Variants in COL4A1 observed in about 807,000 individuals in gnomAD.
COL4A1 encodes the protein collagen type IV alpha 1 chain, also known as collagen alpha-1(IV) chain.
Under a neutral mutation model 216.6 loss-of-function variants are expected in COL4A1, and 40 were observed. The ratio of observed to expected loss-of-function variants is 0.18; its 90% CI spans 0.14 to 0.24. COL4A1 has a LOEUF of 0.24. Ranked by LOEUF, COL4A1 falls within the 10% of genes least tolerant of loss-of-function variation. COL4A1 has a pLI of 1.00. For synonymous variants in COL4A1, 839 were observed against 810.7 expected (o/e 1.03, Z -0.59); for missense variants, 1,628 against 2,196.8 (o/e 0.74, Z 5.18).
chr13:110,273,196 C>T (rs1184474769), intron 1 of COL4A1, among the ~76,000 whole-genome samples: 2 of 152,336 alleles, frequency 1.3e-5, no homozygotes, highest in African/African-American at 4.8e-5. Flanking sequence ...CAGCAATGTC[C>T]ATTTAACCCT....
At chr13:110,294,269 T>C (rs1037393220) in intron 1 of COL4A1, among the ~76,000 whole-genome samples, 4 of 152,322 alleles carry the variant, frequency 2.6e-5, no homozygotes, top group Admixed American at 1.3e-4. Flanking sequence ...TCCAGCCCCT[T>C]CACACAGGGT....
chr13:110,162,282 C>A lies in COL4A1; in HGVS notation c.4410G>T (p.Gly1470=), dbSNP rs747551299. ...CPSGTKILYH[G]YSLLYVQGNE... Reference sequence around the variant, plus strand: ...TGCCTTGCACGTAGAGCAAAGAGTACCCGTGGTAAAGAATTTTGGTCCCAG... The same window carrying A: ...TGCCTTGCACGTAGAGCAAAGAGTAACCGTGGTAAAGAATTTTGGTCCCAG... The change falls in exon 48 of 52, where the codon GGG becomes GGT. Residue 1470 remains glycine, a synonymous_variant. Coordinates refer to ENST00000375820, the MANE Select transcript of COL4A1 (RefSeq NM_001845.6). 1 of 1,614,188 alleles carries A rather than the reference C, an allele frequency of 6.2e-7. No individual in the cohort carries two copies. Among genetic ancestry groups the A allele is most frequent in the African/African-American group, 1.3e-5 (1 of 75,052 alleles).
In COL4A1 at chr13:110,172,879, T is replaced by C. The variant is rs1267049320; in HGVS notation, c.3506-109A>G. On this transcript the variant is annotated intron_variant, in intron 40 of 51. Coordinates refer to ENST00000375820, the MANE Select transcript of COL4A1 (RefSeq NM_001845.6). Reference sequence around the variant, plus strand: ...CAATAATACTACGTATATTGTGGAGTACATAGATATTAGTTAATTGCACCC... The same window carrying C: ...CAATAATACTACGTATATTGTGGAGCACATAGATATTAGTTAATTGCACCC... 4 of 879,530 alleles carry C rather than the reference T, an allele frequency of 4.5e-6. No homozygotes were observed. In the Admixed American group the frequency reaches 5.3e-5, roughly 12 times the overall value. 54.5% of individuals were successfully genotyped at this position (879,530 alleles called of 1,614,324 possible). A position where few individuals can be genotyped will look rare whatever the true frequency, so the allele number is the denominator to read the frequency against.
Position 110,199,050 on chromosome 13 carries a change from T to C in COL4A1, c.1121-419A>G, listed in dbSNP as rs1358141702. 2.0e-5 allele frequency among the ~76,000 whole-genome samples: 3 copies of C among 151,974 alleles called. No homozygotes were observed. In the South Asian group the frequency reaches 6.2e-4, roughly 32 times the overall value. On this transcript the variant is annotated intron_variant, in intron 20 of 51. Transcript: ENST00000375820. ...GCAATCTAGAAGAAAGAGCAGAAAA[T>C]CACAACTAAGGACACACAAGATGGT...
intron 1 of COL4A1, among the ~76,000 whole-genome samples, chr13:110,246,158 A>C (rs1340984506): frequency 1.3e-5 from 2 of 150,960 alleles, no homozygotes; most frequent in African/African-American, 2.5e-5. Context: ...AAAAAAAAAC[A>C]AAAAAGCTAG....
chr13:110,172,664 G>T, intron 41 of COL4A1, 56 bp downstream of exon 41: 2 of 1,532,216 alleles, frequency 1.3e-6, no homozygotes, highest in Non-Finnish European at 1.8e-6. Context: ...CCCTTGTTCT[G>T]CTAATCAGGC....
At chr13:110,174,554 A>T in intron 38 of COL4A1, 28 bp from the exon 39 acceptor site, 1 of 1,614,124 alleles carries the variant, frequency 6.2e-7, no homozygotes, top group Non-Finnish European at 8.5e-7. Flanking sequence ...ACACCAGAAC[A>T]TCCATAAGTT....
At chr13:110,228,369 G>A (rs960599629) in intron 2 of COL4A1, among the ~76,000 whole-genome samples, 2 of 152,108 alleles carry the variant, frequency 1.3e-5, no homozygotes, top group African/African-American at 4.8e-5. Flanking sequence ...AGTAGCTTCC[G>A]TGCAAGGCAA....
chr13:110,291,806 T>A (rs1013886435), intron 1 of COL4A1, among the ~76,000 whole-genome samples: 1 of 152,218 alleles, frequency 6.6e-6, no homozygotes, highest in African/African-American at 2.4e-5. Context: ...CATCTGCAGA[T>A]GAACCAATCT....
At chr13:110,165,559 T>C (rs1281920015) in intron 45 of COL4A1, among the ~76,000 whole-genome samples, 1 of 148,222 alleles carries the variant, frequency 6.7e-6, no homozygotes, top group Non-Finnish European at 1.5e-5. Flanking sequence ...CCCTTCCACA[T>C]ACCCTCCCTC....
chr13:110,298,144 T>A (rs969056856), intron 1 of COL4A1, among the ~76,000 whole-genome samples: 6 of 152,182 alleles, frequency 3.9e-5, no homozygotes, highest in South Asian at 2.1e-4. Context: ...TAGAATTTTT[T>A]AAAAAAAGTT....
intron 2 of COL4A1, among the ~76,000 whole-genome samples, chr13:110,237,829 G>A (rs1222927927): frequency 1.3e-5 from 2 of 152,162 alleles, no homozygotes; most frequent in East Asian, 1.9e-4. Context: ...ATATCTAGGC[G>A]CTAAATGGCT....
chr13:110,208,729 G>A (rs1362463919), intron 12 of COL4A1, 120 bp downstream of exon 12: 1 of 952,746 alleles, frequency 1.0e-6, no homozygotes, highest in Non-Finnish European at 1.7e-6. Flanking sequence ...CCAAATGCAA[G>A]AACATGCAGA....
At chr13:110,219,465 C>T (rs116267602) in intron 2 of COL4A1, among the ~76,000 whole-genome samples, 30 of 152,026 alleles carry the variant, frequency 2.0e-4, no homozygotes, top group Middle Eastern at 3.4e-3. Context: ...TCTGTATCTT[C>T]TTCCCGAAAT....
intron 49 of COL4A1, among the ~76,000 whole-genome samples, chr13:110,158,491 G>A (rs1876899895): frequency 6.6e-6 from 1 of 152,206 alleles, no homozygotes; most frequent in Admixed American, 6.5e-5. Context: ...AGCTCCAGGG[G>A]TGACTCCAAG....
chr13:110,294,836 T>C (rs1233774719), intron 1 of COL4A1, among the ~76,000 whole-genome samples: 1 of 152,218 alleles, frequency 6.6e-6, no homozygotes, highest in Non-Finnish European at 1.5e-5. Flanking sequence ...GCAATTCTTT[T>C]CTGTTTGTCT....
At position 110,187,141 on chromosome 13, in the gene COL4A1, C is replaced by A. The variant is rs370332353; in HGVS notation, c.1725G>T (p.Ser575=). The A allele has an allele frequency of 7.4e-6, 12 of 1,613,830 alleles. No homozygotes were observed. In the Admixed American group the frequency reaches 2.0e-4, roughly 27 times the overall value. The part of the protein sequence containing the change: ...GHPGLPGPKG[S]PGSVGLKGER... ...CAAAGTCTGGAGATAAACATACCGGCGAGCCCTTGGGGCCAGGAAGACCCG... is the reference window on the plus strand; with the variant it reads ...CAAAGTCTGGAGATAAACATACCGGAGAGCCCTTGGGGCCAGGAAGACCCG... Residue 575 remains serine, a synonymous_variant, in exon 25 of 52, where the codon TCG becomes TCT. Coordinates refer to ENST00000375820, the MANE Select transcript of COL4A1 (RefSeq NM_001845.6).
At chr13:110,286,895 T>G (rs1008927669) in intron 1 of COL4A1, among the ~76,000 whole-genome samples, 1 of 152,222 alleles carries the variant, frequency 6.6e-6, no homozygotes, top group Non-Finnish European at 1.5e-5. Flanking sequence ...TAAACAGAAT[T>G]CGTTTCTGGG....
chr13:110,185,253 C>T (rs1878348437), intron 26 of COL4A1, among the ~76,000 whole-genome samples: 1 of 152,122 alleles, frequency 6.6e-6, no homozygotes, highest in African/African-American at 2.4e-5. Context: ...TCAAGCGATT[C>T]TCCTGCCTCA....
Sources: allele counts gnomAD v4.1 joint callset (sites outside exome capture counted in the v4.1 genomes callset), GRCh38; gene constraint gnomAD v4.1.1; transcripts MANE v1.5; gene names NCBI Gene and HGNC (gene_info 2026-07-23, HGNC 2026-07-21).